Variants in TSPAN12 observed in about 807,000 individuals in gnomAD.
The protein encoded by TSPAN12 is tetraspanin-12.
In TSPAN12, 19 loss-of-function variants were observed where a neutral mutation model predicts 39.2. The ratio of observed to expected loss-of-function variants is 0.49; its 90% CI spans 0.34 to 0.71. TSPAN12 has a LOEUF of 0.71. Among genes scored for constraint, TSPAN12 ranks in the 30% least tolerant of loss-of-function variants. The probability of loss-of-function intolerance (pLI) is 0.01; values close to 1 mark genes in which losing one functional copy is unlikely to be tolerated. For missense variants in TSPAN12, 314 were observed against 359.9 expected (o/e 0.87, Z 1.03); for synonymous variants, 119 against 124.8 (o/e 0.95, Z 0.31).
Position 120,828,949 on chromosome 7 carries a change from T to C in TSPAN12, c.285+9828A>G, listed in dbSNP as rs189006933. ...TGTTATTTCATTAAATCTTTAGAAT[T>C]GTATTCATATTCTTCTTAAAGATTA... is the stretch of plus-strand genomic sequence containing the variant. On this transcript the variant is annotated intron_variant, in intron 4 of 7. Coordinates refer to ENST00000222747, the MANE Select transcript of TSPAN12 (RefSeq NM_012338.4). Among the ~76,000 whole-genome samples, 592 of 152,288 alleles carry C rather than the reference T, an allele frequency of 3.9e-3. 6 individuals carry two copies. The highest frequency in any genetic ancestry group is 0.015 in the Admixed American group (232 of 15,302).
At chr7:120,837,311 A>ATTT (rs1412239220) in intron 4 of TSPAN12, among the ~76,000 whole-genome samples, 1 of 130,006 alleles carries the variant, frequency 7.7e-6, no homozygotes, top group Non-Finnish European at 1.6e-5. Flanking sequence ...TTATTCATTT[A>ATTT]TTTATTTTTT....
chr7:120,803,976 G>T (rs1035114474), intron 7 of TSPAN12, among the ~76,000 whole-genome samples: 2 of 152,124 alleles, frequency 1.3e-5, no homozygotes, highest in African/African-American at 4.8e-5. Flanking sequence ...AAACTGAAGA[G>T]AATTAGTCCA....
At chr7:120,817,389 A>C (rs1280132746) in intron 4 of TSPAN12, among the ~76,000 whole-genome samples, 1 of 126,362 alleles carries the variant, frequency 7.9e-6, no homozygotes, top group Non-Finnish European at 1.6e-5. Flanking sequence ...AACCTGTCTC[A>C]AAAAAAAAGT....
At position 120,788,557 on chromosome 7, in the gene TSPAN12, A is replaced by G; in HGVS notation, c.*35T>C. ...ACTCAAAAATTCACAAGTCCAGTAA[A>G]ACAAGTTTGTGGTTTTCTTCTGTGA... On this transcript the variant is annotated 3_prime_UTR_variant, in exon 8 of 8. Transcript: ENST00000222747. The G allele has an allele frequency of 6.2e-7, 1 of 1,613,506 alleles. No individual in the cohort carries two copies. The highest frequency in any genetic ancestry group is 1.7e-4 in the Middle Eastern group (1 of 6,056).
intron 3 of TSPAN12, 105 bp from the exon 4 acceptor site, chr7:120,839,017 T>C (rs1794531005): frequency 8.3e-7 from 1 of 1,197,726 alleles, no homozygotes. Flanking sequence ...CTTTCAATCA[T>C]GATGCCTCAA....
chr7:120,837,904 G>A (rs762172872), intron 4 of TSPAN12, among the ~76,000 whole-genome samples: 8 of 152,078 alleles, frequency 5.3e-5, no homozygotes, highest in Non-Finnish European at 1.0e-4. Flanking sequence ...TTTACCCCAC[G>A]GAAATCCCCA....
intron 4 of TSPAN12, among the ~76,000 whole-genome samples, chr7:120,831,075 A>G (rs1340218662): frequency 6.6e-6 from 1 of 152,076 alleles, no homozygotes; most frequent in Admixed American, 6.6e-5. Flanking sequence ...TTAGGAAAAC[A>G]CAAATTCAAA....
chr7:120,814,801 T>C (rs79132643), intron 5 of TSPAN12, among the ~76,000 whole-genome samples: 1 of 152,070 alleles, frequency 6.6e-6, no homozygotes, highest in Admixed American at 6.5e-5. Context: ...GATAAAAAAA[T>C]GATGAATAGC....
intron 2 of TSPAN12, among the ~76,000 whole-genome samples, chr7:120,847,966 G>C (rs139981105): frequency 6.6e-6 from 1 of 151,984 alleles, no homozygotes; most frequent in Non-Finnish European, 1.5e-5. Context: ...TTCTTAAACC[G>C]TGCTTCCTGC....
chr7:120,825,892 AT>A (rs1794276424), intron 4 of TSPAN12, among the ~76,000 whole-genome samples: 1 of 152,206 alleles, frequency 6.6e-6, no homozygotes. Context: ...CACCACGTCA[AT>A]ATCTCTCTAC....
At chr7:120,812,251 T>C (rs1793996902) in intron 5 of TSPAN12, among the ~76,000 whole-genome samples, 1 of 152,162 alleles carries the variant, frequency 6.6e-6, no homozygotes, top group Non-Finnish European at 1.5e-5. Flanking sequence ...CTGGTCAGTA[T>C]ATCAAGCTAT....
intron 4 of TSPAN12, among the ~76,000 whole-genome samples, chr7:120,833,759 T>C (rs1364823571): frequency 6.6e-6 from 1 of 152,172 alleles, no homozygotes; most frequent in East Asian, 1.9e-4. Context: ...GTTGTCAACA[T>C]CATAAACATG....
rs1049569979 is a variant in TSPAN12 at position 120,788,700 on chromosome 7, G to T, written c.810C>A (p.His270Gln). The change falls in exon 8 of 8, where the codon CAC becomes CAA. Residue 270 changes from histidine (H) to glutamine (Q), a missense_variant. Physicochemically the swap from His to Gln is conservative, Grantham distance 24 (BLOSUM62 0). Coordinates refer to ENST00000222747, the MANE Select transcript of TSPAN12 (RefSeq NM_012338.4). The part of the protein sequence containing the change: ...MMSLKNDNSQ[H>Q]LSCPSVELLK... ...ACAGTTCTACTGAGGGACATGACAGGTGCTGAGAGTTGTCATTCTTCAAGG... is the reference window on the plus strand; with the variant it reads ...ACAGTTCTACTGAGGGACATGACAGTTGCTGAGAGTTGTCATTCTTCAAGG... 2.8e-5 allele frequency: 46 copies of T among 1,614,130 alleles called. No homozygotes were observed. Among genetic ancestry groups the T allele is most frequent in the Non-Finnish European group, 3.9e-5 (46 of 1,180,014 alleles).
In TSPAN12 at chr7:120,847,797, T is replaced by G. The variant is rs1315499670; in HGVS notation, c.67-7688A>C. 2.6e-5 allele frequency among the ~76,000 whole-genome samples: 4 copies of G among 152,312 alleles called. 1 individual carries two copies. In the South Asian group the frequency reaches 8.3e-4, roughly 32 times the overall value. On this transcript the variant is annotated intron_variant, in intron 2 of 7. Transcript: ENST00000222747. ...ACCTCCAATTCACCCTTCGGTTACT[T>G]TTATAGAACATAGATCAAGTTCTTC...
intron 7 of TSPAN12, among the ~76,000 whole-genome samples, chr7:120,790,591 C>T (rs1261769094): frequency 6.6e-6 from 1 of 152,150 alleles, no homozygotes; most frequent in Non-Finnish European, 1.5e-5. Flanking sequence ...AGTATGAAAA[C>T]ACCAGAAGCA....
At chr7:120,840,194 G>T in intron 2 of TSPAN12, 85 bp from the exon 3 acceptor site, 2 of 1,030,852 alleles carry the variant, frequency 1.9e-6, no homozygotes, top group Non-Finnish European at 3.1e-6. Context: ...TAAGGATTTT[G>T]TTACATAATA....
intron 4 of TSPAN12, among the ~76,000 whole-genome samples, chr7:120,818,926 A>G (rs1794135747): frequency 6.6e-6 from 1 of 152,108 alleles, no homozygotes; most frequent in African/African-American, 2.4e-5. Context: ...CCTTTCTTTA[A>G]TGCTTTACTT....
chr7:120,796,713 T>C (rs925578988), intron 7 of TSPAN12, among the ~76,000 whole-genome samples: 19 of 152,166 alleles, frequency 1.2e-4, no homozygotes, highest in African/African-American at 4.3e-4. Flanking sequence ...GCTGCATACA[T>C]TGCATCATTT....
At position 120,788,359 on chromosome 7, in the gene TSPAN12, C is replaced by T. The variant is rs759894809; in HGVS notation, c.*233G>A. On this transcript the variant is annotated 3_prime_UTR_variant, in exon 8 of 8. Coordinates refer to ENST00000222747, the MANE Select transcript of TSPAN12 (RefSeq NM_012338.4). ...CAGTAAAAGTCATACACAGGCTACA[C>T]AGTGGGTATGACATCTGTCTTCAGC... 28 of 552,302 alleles carry T rather than the reference C, an allele frequency of 5.1e-5. No individual in the cohort carries two copies. Among genetic ancestry groups the T allele is most frequent in the African/African-American group, 1.3e-4 (7 of 52,770 alleles). The allele number at this position is 552,302 out of a possible 1,614,324, so 34.2% of individuals were successfully genotyped here.
Sources: allele counts gnomAD v4.1 joint callset (sites outside exome capture counted in the v4.1 genomes callset), GRCh38; gene constraint gnomAD v4.1.1; transcripts MANE v1.5; gene names NCBI Gene and HGNC (gene_info 2026-07-23, HGNC 2026-07-21).